Variants in PPP6R3 observed in about 807,000 individuals in gnomAD.
The protein encoded by PPP6R3 is protein phosphatase 6 regulatory subunit 3, also known as serine/threonine-protein phosphatase 6 regulatory subunit 3.
A neutral mutation model predicts 110.7 loss-of-function variants in PPP6R3; 38 were observed. The ratio of observed to expected loss-of-function variants is 0.34; its 90% CI spans 0.26 to 0.45. The LOEUF (loss-of-function observed/expected upper bound fraction) is 0.45, where lower values mean the gene tolerates loss of function less well. Among genes scored for constraint, PPP6R3 ranks in the 20% least tolerant of loss-of-function variants. The pLI is 1.00. For synonymous variants in PPP6R3, 369 were observed against 373.5 expected (o/e 0.99, Z 0.14); for missense variants, 870 against 1,062.4 (o/e 0.82, Z 2.52).
At chr11:68,503,656 T>A (rs1003685386) in intron 1 of PPP6R3, among the ~76,000 whole-genome samples, 7 of 152,246 alleles carry the variant, frequency 4.6e-5, no homozygotes, top group Non-Finnish European at 8.8e-5. Context: ...GATTTAGCCT[T>A]GTCTGGAGGT....
intron 9 of PPP6R3, among the ~76,000 whole-genome samples, chr11:68,564,878 T>C (rs1298397538): frequency 1.3e-5 from 2 of 151,494 alleles, no homozygotes; most frequent in Non-Finnish European, 1.5e-5. Flanking sequence ...GATTTGGGGG[T>C]TTTTCAGTAC....
chr11:68,477,741 A>AAATATATCTATATATATATATATAG, intron 1 of PPP6R3, among the ~76,000 whole-genome samples: 6 of 57,908 alleles, frequency 1.0e-4, no homozygotes, highest in Admixed American at 4.0e-4. Flanking sequence ...AAAAAAAAAA[A>AAATATATCTATATATATATATATAG]ATATATATAT....
chr11:68,507,837 T>C (rs2099086853), intron 1 of PPP6R3, among the ~76,000 whole-genome samples: 1 of 152,222 alleles, frequency 6.6e-6, no homozygotes, highest in African/African-American at 2.4e-5. Context: ...GAGAAAATGC[T>C]TTCTTGCATG....
chr11:68,525,412 G>T (rs2153595089), intron 2 of PPP6R3, among the ~76,000 whole-genome samples: 1 of 152,318 alleles, frequency 6.6e-6, no homozygotes, highest in African/African-American at 2.4e-5. Context: ...ACCATTCTCT[G>T]TTGAGCTTTT....
At chr11:68,598,398 G>T (rs75684435) in intron 19 of PPP6R3, among the ~76,000 whole-genome samples, 1 of 152,280 alleles carries the variant, frequency 6.6e-6, no homozygotes, top group East Asian at 1.9e-4. Flanking sequence ...CTGGGTGTAG[G>T]GATAAGCAGC....
chr11:68,575,765 C>G (rs1028191544), intron 13 of PPP6R3, among the ~76,000 whole-genome samples, 193 bp from the exon 14 acceptor site: 2 of 152,162 alleles, frequency 1.3e-5, no homozygotes, highest in African/African-American at 4.8e-5. Context: ...GGGATTTGGG[C>G]CTATGGAAGG....
intron 3 of PPP6R3, among the ~76,000 whole-genome samples, chr11:68,539,998 C>T (rs944094351): frequency 1.6e-4 from 25 of 152,242 alleles, no homozygotes; most frequent in African/African-American, 5.3e-4. Flanking sequence ...TTGGTGTGCC[C>T]CAAGAACATC....
intron 1 of PPP6R3, among the ~76,000 whole-genome samples, chr11:68,483,144 CT>C (rs1463524583): frequency 6.6e-6 from 1 of 152,022 alleles, no homozygotes; most frequent in African/African-American, 2.4e-5. Flanking sequence ...GCTTTTTTGT[CT>C]TTGCAAGTAA....
Position 68,613,192 on chromosome 11 carries a change from G to T in PPP6R3, c.*75G>T. Reference sequence around the variant, plus strand: ...AGGGGCTCTGGAGGGGTCAGCTGGAGCCCACCAAGCTGTCACTGCTGCACT... The same window carrying T: ...AGGGGCTCTGGAGGGGTCAGCTGGATCCCACCAAGCTGTCACTGCTGCACT... On this transcript the variant is annotated 3_prime_UTR_variant, in exon 24 of 24. Transcript: ENST00000393800. The T allele has an allele frequency of 1.3e-5, 21 of 1,580,626 alleles. No homozygotes were observed. The highest frequency in any genetic ancestry group is 2.0e-4 in the Middle Eastern group (1 of 4,960).
At chr11:68,495,276 C>T (rs2099008730) in intron 1 of PPP6R3, among the ~76,000 whole-genome samples, 1 of 152,154 alleles carries the variant, frequency 6.6e-6, no homozygotes, top group Non-Finnish European at 1.5e-5. Flanking sequence ...GATGCTAAAA[C>T]CCTTAAAAAA....
At chr11:68,555,761 T>A (rs2099396921) in intron 7 of PPP6R3, among the ~76,000 whole-genome samples, 1 of 152,258 alleles carries the variant, frequency 6.6e-6, no homozygotes, top group Non-Finnish European at 1.5e-5. Flanking sequence ...AGAATTTACA[T>A]CATTAAATTA....
chr11:68,531,304 G>GTGTT (rs2099237764), intron 2 of PPP6R3, among the ~76,000 whole-genome samples: 1 of 113,370 alleles, frequency 8.8e-6, no homozygotes, highest in Non-Finnish European at 1.9e-5. Flanking sequence ...ATCTGAGACT[G>GTGTT]TGTTTTATTT....
intron 14 of PPP6R3, among the ~76,000 whole-genome samples, chr11:68,577,232 AT>A (rs1745479728): frequency 2.0e-5 from 3 of 152,212 alleles, no homozygotes; most frequent in Non-Finnish European, 4.4e-5. Flanking sequence ...GTCATTTTTA[AT>A]GAATATTTTA....
chr11:68,467,091 C>T (rs1273910178), intron 1 of PPP6R3, among the ~76,000 whole-genome samples: 1 of 152,258 alleles, frequency 6.6e-6, no homozygotes, highest in African/African-American at 2.4e-5. Context: ...TGGCTTTACC[C>T]TGAGTAGAGG....
intron 1 of PPP6R3, among the ~76,000 whole-genome samples, chr11:68,510,561 C>T (rs1272082155): frequency 6.6e-6 from 1 of 152,084 alleles, no homozygotes; most frequent in African/African-American, 2.4e-5. Flanking sequence ...GTCTCGAACT[C>T]CTGGGCTCAG....
In PPP6R3 at chr11:68,591,662, G is replaced by A; in HGVS notation, c.1872G>A (p.Glu624=). 5 of 1,612,884 alleles carry A rather than the reference G, an allele frequency of 3.1e-6. No individual in the cohort carries two copies. Among genetic ancestry groups the A allele is most frequent in the Non-Finnish European group, 4.2e-6 (5 of 1,179,524 alleles). The change falls in exon 18 of 24, where the codon GAG becomes GAA. Residue 624 remains glutamate (E), a synonymous_variant. Coordinates refer to ENST00000393800, the MANE Select transcript of PPP6R3 (RefSeq NM_001164161.2). ...GCTCTGATGAGGAAGATATATGGGA[G>A]GAAAAGCACATCGCATTCACACCAG... ...DGGSDEEDIW[E]EKHIAFTPES... is the part of the protein sequence containing the mutation.
At chr11:68,485,617 T>C (rs753087403) in intron 1 of PPP6R3, among the ~76,000 whole-genome samples, 5 of 152,254 alleles carry the variant, frequency 3.3e-5, no homozygotes, top group Admixed American at 6.5e-5. Flanking sequence ...ATTAAATGCC[T>C]TTTCTGCATC....
chr11:68,504,580 G>A (rs1021113907), intron 1 of PPP6R3, among the ~76,000 whole-genome samples: 7 of 152,192 alleles, frequency 4.6e-5, no homozygotes, highest in African/African-American at 1.4e-4. Context: ...AAAAGTAAGT[G>A]TACCCCCTGT....
intron 17 of PPP6R3, 101 bp downstream of exon 17, chr11:68,590,815 G>A: frequency 7.6e-7 from 1 of 1,309,898 alleles, no homozygotes; most frequent in Non-Finnish European, 1.0e-6. Context: ...GTGCTCTAGA[G>A]CCCTAATCCT....
Sources: gnomAD v4.1 joint callset for allele counts (sites outside exome capture counted in the v4.1 genomes callset) on GRCh38, gnomAD v4.1.1 for gene constraint, MANE v1.5 for transcripts, NCBI Gene and HGNC (gene_info 2026-07-23, HGNC 2026-07-21) for gene names.